The following MAP3K15 variants were observed in gnomAD, a reference collection of about 807,000 sequenced individuals.
The protein encoded by MAP3K15 is mitogen-activated protein kinase kinase kinase 15.
A neutral mutation model predicts 99.5 loss-of-function variants in MAP3K15; 124 were observed. The observed-to-expected ratio is 1.25, with a 90% CI of 1.08 to 1.45. The LOEUF (loss-of-function observed/expected upper bound fraction) is 1.45. Among genes scored for constraint, MAP3K15 ranks in the 40% most tolerant of loss-of-function variants. The probability of loss-of-function intolerance (pLI) is 0.00; values close to 1 mark genes in which losing one functional copy is unlikely to be tolerated. For missense variants in MAP3K15, 1,242 were observed against 1,079.7 expected (o/e 1.15, Z -2.11); for synonymous variants, 494 against 439.6 (o/e 1.12, Z -1.55).
Position 19,400,595 on chromosome X carries a change from G to GT in MAP3K15, c.1912dup (p.Thr638AsnfsTer9), listed in dbSNP as rs761754383. 3.3e-6 allele frequency: 4 copies of GT among 1,203,667 alleles called. No homozygotes were observed. In the African/African-American group the frequency reaches 7.0e-5, roughly 21 times the overall value. On this transcript the variant is annotated frameshift_variant, in exon 14 of 29. Transcript: ENST00000338883. LOFTEE classifies it high-confidence loss of function. ...ACTCACCTCCAAGGTGTCTCCATCG[G>GT]TCTCTCCCTCCAGCTCCACCGTACT...
intron 12 of MAP3K15, among the ~76,000 whole-genome samples, chrX:19,408,974 G>A (rs1290953788): frequency 8.9e-6 from 1 of 112,169 alleles, no homozygotes; most frequent in Non-Finnish European, 1.9e-5. Context: ...AACTCCTTGA[G>A]GACAGAGACC....
rs186144039 is a variant in MAP3K15 at position 19,501,421 on chromosome X, C to T, written c.362-12454G>A. Among the ~76,000 whole-genome samples, 3 of 112,164 alleles carry T rather than the reference C, an allele frequency of 2.7e-5. No individual in the cohort carries two copies. In the East Asian group the frequency reaches 8.4e-4, roughly 31 times the overall value. ...CATGTCCAGTTTGAGTTCTTCTAGT[C>T]TCTTCTGTCAGATATGCACCACTGA... On this transcript the variant is annotated intron_variant, in intron 1 of 28. Transcript: ENST00000338883.
At chrX:19,483,835 C>T (rs1569239865) in intron 3 of MAP3K15, among the ~76,000 whole-genome samples, 1 of 111,912 alleles carries the variant, frequency 8.9e-6, no homozygotes. Flanking sequence ...TACCCTACTT[C>T]CATCCCATCT....
intron 3 of MAP3K15, among the ~76,000 whole-genome samples, chrX:19,469,529 CA>C (rs1221900923): frequency 9.0e-6 from 1 of 110,703 alleles, no homozygotes; most frequent in Non-Finnish European, 1.9e-5. Context: ...GCAATGGCAA[CA>C]AAAGCCAAAA....
In MAP3K15 at chrX:19,395,124, T is replaced by G. The variant is rs777103414; in HGVS notation, c.2151A>C (p.Ser717=). ...TAAATATCTTAATGTAGCCGTTCTCTGAAACAGAGCCCAGGTACTGAACGA... is the reference window on the plus strand; with the variant it reads ...TAAATATCTTAATGTAGCCGTTCTCGGAAACAGAGCCCAGGTACTGAACGA... The part of the protein sequence containing the change: ...RNIVQYLGSV[S]ENGYIKIFME... Residue 717 remains serine (S), a synonymous_variant, in exon 16 of 29, where the codon TCA becomes TCC. Coordinates refer to ENST00000338883, the MANE Select transcript of MAP3K15 (RefSeq NM_001001671.4). The G allele has an allele frequency of 8.3e-7, 1 of 1,209,573 alleles. No homozygotes were observed. The highest frequency in any genetic ancestry group is 1.1e-6 in the Non-Finnish European group (1 of 894,096).
intron 6 of MAP3K15, among the ~76,000 whole-genome samples, chrX:19,455,744 G>A (rs1447065809): frequency 9.2e-6 from 1 of 108,996 alleles, no homozygotes; most frequent in Admixed American, 1.0e-4. Context: ...GTCTGACAAC[G>A]GTTACCTCTA....
intron 3 of MAP3K15, among the ~76,000 whole-genome samples, chrX:19,477,566 C>T (rs747578921): frequency 1.3e-4 from 13 of 103,692 alleles, no homozygotes; most frequent in Admixed American, 9.4e-4. Flanking sequence ...AAAAATTAGC[C>T]GGGCATGGTG....
chrX:19,513,985 AC>A (rs1207266158), intron 1 of MAP3K15, among the ~76,000 whole-genome samples: 5 of 110,899 alleles, frequency 4.5e-5, no homozygotes, highest in Non-Finnish European at 9.4e-5. Flanking sequence ...GTGCCCCCTA[AC>A]CCGTGAATGC....
rs2063403787 is a variant in MAP3K15, at chrX:19,374,534, CCT to C, written c.2714_2715del (p.Glu905GlyfsTer55). ...CCCTTGTTCACCTGCCTTAAGAAAC[CCT>C]CTCTCAGTAGCTCAGCAGTGGTGGC... ...KRATTAELLR[E>X]GFLRQVNKGK... On this transcript the variant is annotated frameshift_variant, in exon 20 of 29. Transcript: ENST00000338883. LOFTEE classifies it high-confidence loss of function. 1 of 1,211,450 alleles carries C rather than the reference CCT, an allele frequency of 8.3e-7. No homozygotes were observed. Among genetic ancestry groups the C allele is most frequent in the Non-Finnish European group, 1.1e-6 (1 of 895,389 alleles).
At chrX:19,395,572 G>A (rs1418788134) in intron 15 of MAP3K15, among the ~76,000 whole-genome samples, 2 of 111,423 alleles carry the variant, frequency 1.8e-5, no homozygotes, top group Non-Finnish European at 3.8e-5. Flanking sequence ...ATGAAGAGTG[G>A]TGTTCTGGAA....
intron 3 of MAP3K15, among the ~76,000 whole-genome samples, chrX:19,469,195 A>C (rs2064189752): frequency 8.9e-6 from 1 of 111,841 alleles, no homozygotes; most frequent in African/African-American, 3.2e-5. Context: ...CTGGTACCAA[A>C]ACAGAGATAT....
At chrX:19,437,930 T>G (rs1478898716) in intron 6 of MAP3K15, among the ~76,000 whole-genome samples, 1 of 112,085 alleles carries the variant, frequency 8.9e-6, no homozygotes, top group African/African-American at 3.2e-5. Flanking sequence ...CAGTATGACA[T>G]ATTTTCACAG....
chrX:19,507,897 G>A (rs148001448), intron 1 of MAP3K15, among the ~76,000 whole-genome samples: 2,890 of 111,917 alleles, frequency 0.026, 39 homozygotes, highest in Non-Finnish European at 0.041. Context: ...ATGGGGTCTC[G>A]CTGTTGTCTG....
intron 7 of MAP3K15, among the ~76,000 whole-genome samples, chrX:19,430,703 T>C (rs776748694): frequency 1.8e-3 from 204 of 111,069 alleles, no homozygotes; most frequent in African/African-American, 6.4e-3. Flanking sequence ...CATGTTGCTC[T>C]CCACTCACCC....
intron 6 of MAP3K15, among the ~76,000 whole-genome samples, chrX:19,437,613 A>G (rs1230170563): frequency 1.8e-5 from 2 of 111,738 alleles, no homozygotes; most frequent in Admixed American, 1.9e-4. Context: ...TAAAATTACA[A>G]TCTTCCCATC....
At chrX:19,371,773 C>G (rs2063377105) in intron 22 of MAP3K15, among the ~76,000 whole-genome samples, 1 of 110,993 alleles carries the variant, frequency 9.0e-6, no homozygotes, top group Admixed American at 9.6e-5. Flanking sequence ...GAGCCCCCAT[C>G]AAGGCCATAG....
chrX:19,469,250 G>A, intron 3 of MAP3K15, among the ~76,000 whole-genome samples: 1 of 111,406 alleles, frequency 9.0e-6, no homozygotes, highest in Non-Finnish European at 1.9e-5. Flanking sequence ...ATGCCGCATA[G>A]CTACAACTAT....
chrX:19,432,735 T>G (rs1348076136), intron 6 of MAP3K15, among the ~76,000 whole-genome samples: 2 of 108,074 alleles, frequency 1.9e-5, no homozygotes. Flanking sequence ...TTTTTTTTTT[T>G]GAGACAGTCT....
intron 3 of MAP3K15, among the ~76,000 whole-genome samples, chrX:19,478,846 A>G: frequency 9.1e-6 from 1 of 110,179 alleles, no homozygotes; most frequent in Middle Eastern, 4.6e-3. Flanking sequence ...GCTTTAGGAC[A>G]TGACAAATGA....
Sources: gnomAD v4.1 joint callset for allele counts (sites outside exome capture counted in the v4.1 genomes callset) on GRCh38, gnomAD v4.1.1 for gene constraint, MANE v1.5 for transcripts, NCBI Gene and HGNC (gene_info 2026-07-23, HGNC 2026-07-21) for gene names.